Variants in SLC12A8 observed in about 807,000 individuals in gnomAD.
SLC12A8 encodes cation-chloride cotransporter 9.
SLC12A8 carries 69 observed loss-of-function variants against 75.6 expected under a neutral mutation model. The ratio of observed to expected loss-of-function variants is 0.91; its 90% CI spans 0.75 to 1.11. SLC12A8 has a LOEUF of 1.11. SLC12A8 is among the 50% of genes most tolerant of loss of function. The pLI is 0.00. For missense variants in SLC12A8, 877 were observed against 896.7 expected (o/e 0.98, Z 0.28); for synonymous variants, 365 against 372.8 (o/e 0.98, Z 0.24).
At chr3:125,091,396 G>C in intron 12 of SLC12A8, 43 bp downstream of exon 12, 2 of 1,284,294 alleles carry the variant, frequency 1.6e-6, no homozygotes, top group Non-Finnish European at 2.3e-6. Flanking sequence ...ATGAATGGTA[G>C]AGAGAATGAG....
intron 5 of SLC12A8, among the ~76,000 whole-genome samples, chr3:125,172,834 G>T (rs62265743): frequency 0.13 from 20,094 of 152,208 alleles, 1,532 homozygotes; most frequent in Non-Finnish European, 0.18. Flanking sequence ...GAAATGGGAA[G>T]AAATAAAGTT....
At chr3:125,158,986 T>C (rs974680052) in intron 5 of SLC12A8, among the ~76,000 whole-genome samples, 2 of 152,000 alleles carry the variant, frequency 1.3e-5, no homozygotes, top group African/African-American at 4.8e-5. Context: ...GAATCAGGGG[T>C]AGAATTCACA....
At chr3:125,148,163 CA>C (rs2107769369) in intron 5 of SLC12A8, among the ~76,000 whole-genome samples, 1 of 152,164 alleles carries the variant, frequency 6.6e-6, no homozygotes, top group East Asian at 1.9e-4. Flanking sequence ...ATATGTGATG[CA>C]ATCTTTCACA....
At position 125,083,777 on chromosome 3, in the gene SLC12A8, C is replaced by T. The variant is rs1036727217; in HGVS notation, c.*113G>A. The T allele has an allele frequency of 5.0e-5, 50 of 1,000,486 alleles. 1 individual carries two copies. In the Middle Eastern group the frequency reaches 1.8e-3, roughly 37 times the overall value. The allele number at this position is 1,000,486 out of a possible 1,614,324, so 62.0% of individuals were successfully genotyped here. A position where few individuals can be genotyped will look rare whatever the true frequency, so the allele number is the denominator to read the frequency against. ...AGATTTCCATTGTCCAAAGTGACAG[C>T]GGGAGGATGGGTCTTGAGTTTCTCA... On this transcript the variant is annotated 3_prime_UTR_variant, in exon 14 of 14. Coordinates refer to ENST00000469902, the MANE Select transcript of SLC12A8 (RefSeq NM_024628.6).
chr3:125,206,270 G>C (rs944601076), intron 2 of SLC12A8, among the ~76,000 whole-genome samples: 33 of 152,142 alleles, frequency 2.2e-4, no homozygotes, highest in African/African-American at 7.5e-4. Context: ...GATATGTCAG[G>C]GTCAACTCAG....
Position 125,203,855 on chromosome 3 carries a change from C to T in SLC12A8, c.51+7444G>A, listed in dbSNP as rs1299814003. Among the ~76,000 whole-genome samples the T allele has an allele frequency of 1.3e-5, 2 of 152,134 alleles. 1 individual carries two copies. Among genetic ancestry groups the T allele is most frequent in the Non-Finnish European group, 2.9e-5 (2 of 68,024 alleles). On this transcript the variant is annotated intron_variant, in intron 2 of 13. Transcript: ENST00000469902. The stretch of plus-strand genomic sequence containing the variant: ...ATTCATGCAACAAGGGACTAATATC[C>T]AGAACATACAAGGAACTCAAACAAC...
At chr3:125,099,473 AAACT>A (rs1434026999) in intron 10 of SLC12A8, among the ~76,000 whole-genome samples, 4 of 152,236 alleles carry the variant, frequency 2.6e-5, no homozygotes, top group Non-Finnish European at 5.9e-5. Context: ...CAAGTAAAAG[AAACT>A]AACTGAGTAG....
intron 3 of SLC12A8, among the ~76,000 whole-genome samples, chr3:125,188,163 ACT>A (rs1457807817): frequency 6.6e-6 from 1 of 151,802 alleles, no homozygotes; most frequent in East Asian, 1.9e-4. Context: ...GTGAGTTCTC[ACT>A]CTGTTCGTTC....
intron 5 of SLC12A8, among the ~76,000 whole-genome samples, chr3:125,142,710 G>A (rs1400491363): frequency 2.6e-5 from 4 of 152,222 alleles, no homozygotes; most frequent in African/African-American, 9.6e-5. Flanking sequence ...TTCCTAATGA[G>A]CTCCCCGGAG....
intron 6 of SLC12A8, among the ~76,000 whole-genome samples, chr3:125,131,387 A>AT (rs952095436): frequency 3.2e-4 from 49 of 150,788 alleles, no homozygotes; most frequent in East Asian, 2.1e-3. Flanking sequence ...AATTATTAAG[A>AT]TTTTTTTTTT....
chr3:125,197,251 A>G (rs1177103176), intron 2 of SLC12A8, among the ~76,000 whole-genome samples: 4 of 151,984 alleles, frequency 2.6e-5, no homozygotes, highest in African/African-American at 9.7e-5. Flanking sequence ...TTCAAGGAAT[A>G]GAATAAGAAT....
At chr3:125,155,805 G>T (rs1579511302) in intron 5 of SLC12A8, among the ~76,000 whole-genome samples, 1 of 126,456 alleles carries the variant, frequency 7.9e-6, no homozygotes, top group Non-Finnish European at 1.6e-5. Context: ...CAGGGTAACA[G>T]TTGATGAACC....
intron 13 of SLC12A8, 124 bp from the exon 14 acceptor site, chr3:125,084,176 A>C: frequency 1.3e-6 from 1 of 765,436 alleles, no homozygotes; most frequent in Non-Finnish European, 2.1e-6. Context: ...TTTAAAACAT[A>C]ATTCTTGAAA....
At chr3:125,175,553 GT>G (rs1934507442) in intron 5 of SLC12A8, among the ~76,000 whole-genome samples, 1 of 152,198 alleles carries the variant, frequency 6.6e-6, no homozygotes, top group Admixed American at 6.5e-5. Context: ...TCAGGCTAGT[GT>G]GAGGTTTCAA....
intron 5 of SLC12A8, among the ~76,000 whole-genome samples, chr3:125,137,656 C>T (rs1277423380): frequency 1.3e-5 from 2 of 152,216 alleles, no homozygotes; most frequent in African/African-American, 2.4e-5. Flanking sequence ...GGCCCAAGGG[C>T]GGCCCTGACA....
At chr3:125,205,103 C>T (rs1324336238) in intron 2 of SLC12A8, among the ~76,000 whole-genome samples, 1 of 152,172 alleles carries the variant, frequency 6.6e-6, no homozygotes, top group Non-Finnish European at 1.5e-5. Context: ...GAGGCCACCC[C>T]TATAACCCAG....
intron 4 of SLC12A8, among the ~76,000 whole-genome samples, chr3:125,185,977 C>T (rs1934772738): frequency 6.6e-6 from 1 of 152,124 alleles, no homozygotes; most frequent in South Asian, 2.1e-4. Flanking sequence ...TCCAAATCAG[C>T]CCATGTAAGT....
At chr3:125,205,209 C>A (rs141789388) in intron 2 of SLC12A8, among the ~76,000 whole-genome samples, 1 of 152,200 alleles carries the variant, frequency 6.6e-6, no homozygotes, top group East Asian at 1.9e-4. Context: ...TCACTCCTGT[C>A]TTCAGCCCCC....
chr3:125,152,623 A>G (rs581557), intron 5 of SLC12A8, among the ~76,000 whole-genome samples: 91,035 of 151,648 alleles, frequency 0.6, 27,748 homozygotes, highest in Admixed American at 0.68. Flanking sequence ...AGGGGGAGAG[A>G]GAGAAGGAAC....
Sources: allele counts gnomAD v4.1 joint callset (sites outside exome capture counted in the v4.1 genomes callset), GRCh38; gene constraint gnomAD v4.1.1; transcripts MANE v1.5; gene names NCBI Gene and HGNC (gene_info 2026-07-23, HGNC 2026-07-21).